The following CPXM2 variants were observed in gnomAD, a reference collection of about 807,000 sequenced individuals.
CPXM2 encodes the protein carboxypeptidase X, M14 family member 2.
Under a neutral mutation model 86.1 loss-of-function variants are expected in CPXM2, and 66 were observed. The ratio of observed to expected loss-of-function variants is 0.77; its 90% CI spans 0.63 to 0.94. CPXM2 has a LOEUF of 0.94. Among genes scored for constraint, CPXM2 ranks in the 40% least tolerant of loss-of-function variants. The pLI is 0.00. For synonymous variants in CPXM2, 388 were observed against 400.2 expected, an observed-to-expected ratio of 0.97 and a Z score of 0.36; for missense variants, 948 against 1,026.3, an observed-to-expected ratio of 0.92 and a Z score of 1.04.
intron 4 of CPXM2, among the ~76,000 whole-genome samples, chr10:123,806,712 G>A (rs1847585591): frequency 6.6e-6 from 1 of 152,056 alleles, no homozygotes; most frequent in South Asian, 2.1e-4. Context: ...GAAAGCAAAG[G>A]GGAACAAGGC....
chr10:123,850,492 C>T (rs1279448600), intron 3 of CPXM2, among the ~76,000 whole-genome samples: 1 of 152,206 alleles, frequency 6.6e-6, no homozygotes, highest in Non-Finnish European at 1.5e-5. Context: ...CACCATCCAA[C>T]GTTGATGTGA....
At chr10:123,883,857 T>C (rs1025047873) in intron 1 of CPXM2, among the ~76,000 whole-genome samples, 5 of 152,084 alleles carry the variant, frequency 3.3e-5, no homozygotes, top group African/African-American at 7.2e-5. Flanking sequence ...ATATGGTCCA[T>C]GCAGATGAAA....
At chr10:123,831,096 T>G (rs1284201699) in intron 4 of CPXM2, among the ~76,000 whole-genome samples, 1 of 152,190 alleles carries the variant, frequency 6.6e-6, no homozygotes, top group Non-Finnish European at 1.5e-5. Flanking sequence ...CTTAGAAATA[T>G]TATCTATTCT....
intron 2 of CPXM2, among the ~76,000 whole-genome samples, chr10:123,868,173 A>G (rs1032486430): frequency 1.3e-5 from 2 of 152,174 alleles, no homozygotes; most frequent in Admixed American, 6.5e-5. Context: ...CACAGTGCAA[A>G]CAAGTCACCA....
chr10:123,907,458 C>CG (rs1194813421), intron 2 of CPXM2, among the ~76,000 whole-genome samples: 1 of 152,316 alleles, frequency 6.6e-6, no homozygotes, highest in Admixed American at 6.5e-5. Context: ...GCCCTCGCAG[C>CG]GTCCTTACCC....
Position 123,746,684 on chromosome 10 carries a change from T to C in CPXM2, c.*80A>G. On this transcript the variant is annotated 3_prime_UTR_variant, in exon 14 of 14. Coordinates refer to ENST00000241305, the MANE Select transcript of CPXM2 (RefSeq NM_198148.3). The stretch of plus-strand genomic sequence containing the variant: ...TCTTGAATTACAGAGGAAACAACAG[T>C]GAGTGAGTCCACTATGGAGCTACTA... 1 of 1,331,632 alleles carries C rather than the reference T, an allele frequency of 7.5e-7. No individual in the cohort carries two copies. Among genetic ancestry groups the C allele is most frequent in the African/African-American group, 1.4e-5 (1 of 69,170 alleles). The allele number at this position is 1,331,632 out of a possible 1,614,324, so 82.5% of individuals were successfully genotyped here.
At chr10:123,793,694 G>T (rs1847261189) in intron 6 of CPXM2, among the ~76,000 whole-genome samples, 2 of 152,170 alleles carry the variant, frequency 1.3e-5, no homozygotes, top group East Asian at 1.9e-4. Context: ...GCAAAAGGAG[G>T]CCCAGAATGA....
At chr10:123,860,769 C>A (rs536364917) in intron 3 of CPXM2, among the ~76,000 whole-genome samples, 1 of 129,688 alleles carries the variant, frequency 7.7e-6, no homozygotes, top group East Asian at 2.3e-4. Context: ...TCAAGCTTTG[C>A]GGGCTCATGT....
chr10:123,764,645 C>A (rs988745867), intron 10 of CPXM2, among the ~76,000 whole-genome samples: 2 of 152,074 alleles, frequency 1.3e-5, no homozygotes, highest in African/African-American at 2.4e-5. Context: ...CACCACCATG[C>A]CTGGCTAATT....
At chr10:123,934,699 C>A (rs780657663) in intron 2 of CPXM2, among the ~76,000 whole-genome samples, 1 of 152,136 alleles carries the variant, frequency 6.6e-6, no homozygotes, top group African/African-American at 2.4e-5. Context: ...GATGGGGAAG[C>A]TCTGTGTTCA....
At chr10:123,904,915 C>T (rs7478539) in intron 2 of CPXM2, among the ~76,000 whole-genome samples, 17,106 of 102,104 alleles carry the variant, frequency 0.17, 3,563 homozygotes, top group South Asian at 0.18. Flanking sequence ...CTGCATCACA[C>T]CTGCATCCTA....
intron 4 of CPXM2, among the ~76,000 whole-genome samples, chr10:123,814,663 A>T (rs182817576): frequency 2.6e-5 from 4 of 152,280 alleles, no homozygotes; most frequent in South Asian, 2.1e-4. Context: ...AGACCCAAAA[A>T]TGCTAAGGAC....
intron 4 of CPXM2, among the ~76,000 whole-genome samples, chr10:123,813,817 C>A (rs571268744): frequency 6.6e-6 from 1 of 152,286 alleles, no homozygotes; most frequent in South Asian, 2.1e-4. Context: ...TTATGTCTAC[C>A]TGGAAACATT....
At chr10:123,820,264 C>A (rs1847897701) in intron 4 of CPXM2, among the ~76,000 whole-genome samples, 1 of 152,182 alleles carries the variant, frequency 6.6e-6, no homozygotes, top group Admixed American at 6.5e-5. Flanking sequence ...ACTCATCCCA[C>A]ATCATGTGTC....
chr10:123,931,841 A>T (rs1945669074), intron 2 of CPXM2, among the ~76,000 whole-genome samples: 1 of 152,242 alleles, frequency 6.6e-6, no homozygotes, highest in African/African-American at 2.4e-5. Flanking sequence ...TGTTCAGAAT[A>T]GCACTGCCTT....
chr10:123,874,180 A>G (rs991345027), intron 2 of CPXM2, among the ~76,000 whole-genome samples: 1 of 151,958 alleles, frequency 6.6e-6, no homozygotes, highest in African/African-American at 2.4e-5. Flanking sequence ...CACATTTCTA[A>G]AAGCCGAGAA....
rs149594836 is a variant in CPXM2 at position 123,857,785 on chromosome 10, C to T, written c.513+4829G>A. Among the ~76,000 whole-genome samples, 62 of 152,342 alleles carry T rather than the reference C, an allele frequency of 4.1e-4. No individual in the cohort carries two copies. The East Asian group carries it at 0.011, about 26-fold the overall frequency. ...GAGGAACAGGAGGCACAGGGCACCA[C>T]GCACGGGACTCCGCAGCTTCCACGC... On this transcript the variant is annotated intron_variant, in intron 3 of 13. Transcript: ENST00000241305.
chr10:123,787,569 G>A (rs1301851041), intron 6 of CPXM2, among the ~76,000 whole-genome samples: 1 of 152,054 alleles, frequency 6.6e-6, no homozygotes, highest in Non-Finnish European at 1.5e-5. Context: ...CCTGACCTCA[G>A]GTGATTTGTA....
At chr10:123,777,240 A>G (rs1487881041) in intron 7 of CPXM2, 1 of 152,242 alleles carries the variant, frequency 6.6e-6, no homozygotes, top group Non-Finnish European at 1.5e-5. Flanking sequence ...GTGTCTGCCT[A>G]TGTTACTTTT....
Sources: allele counts gnomAD v4.1 joint callset (sites outside exome capture counted in the v4.1 genomes callset), GRCh38; gene constraint gnomAD v4.1.1; transcripts MANE v1.5; gene names NCBI Gene and HGNC (gene_info 2026-07-23, HGNC 2026-07-21).